Variants in UBE4B observed in about 807,000 individuals in gnomAD.
UBE4B encodes ubiquitination factor E4B.
A neutral mutation model predicts 148.1 loss-of-function variants in UBE4B; 27 were observed. That is an observed-to-expected ratio of 0.18 (90% CI 0.13 to 0.25). UBE4B has a LOEUF of 0.25. UBE4B is among the 10% of genes least tolerant of loss of function. UBE4B has a pLI of 1.00. For synonymous variants in UBE4B, 596 were observed against 619.3 expected (o/e 0.96, Z 0.56); for missense variants, 1,170 against 1,662.4 (o/e 0.70, Z 5.15).
rs549936660 is a variant in UBE4B at position 10,161,396 on chromosome 1, A to G, written c.3198+110A>G. On this transcript the variant is annotated intron_variant, in intron 23 of 27. Coordinates refer to ENST00000343090, the MANE Select transcript of UBE4B (RefSeq NM_001105562.3). The surrounding 1 kb of genome is among the most constrained non-coding windows in gnomAD (Gnocchi z 4.1). ...TGGGTCTGATGATATGCGATCTGAC[A>G]TGCTGGGATTTTCCTTCCATGAAAT... 14 of 1,270,464 alleles carry G rather than the reference A, an allele frequency of 1.1e-5. No homozygotes were observed. The Admixed American group carries it at 2.0e-4, about 18-fold the overall frequency. 78.7% of individuals were successfully genotyped at this position (1,270,464 alleles called of 1,614,324 possible). A position where few individuals can be genotyped will look rare whatever the true frequency, so the allele number is the denominator to read the frequency against.
chr1:10,133,436 A>T (rs547955303), intron 15 of UBE4B, among the ~76,000 whole-genome samples: 121 of 152,176 alleles, frequency 8.0e-4, no homozygotes, highest in Non-Finnish European at 1.5e-3. Flanking sequence ...CACAGTGATC[A>T]CTCAACCAAT....
At chr1:10,175,487 T>TAA (rs1275828007) in intron 25 of UBE4B, among the ~76,000 whole-genome samples, 3 of 143,510 alleles carry the variant, frequency 2.1e-5, no homozygotes, top group Non-Finnish European at 3.0e-5. Flanking sequence ...CCATCTCTAC[T>TAA]AAAAATACAA....
chr1:10,133,697 G>A lies in UBE4B; in HGVS notation c.2025+1215G>A, dbSNP rs193243063. 1.2e-3 allele frequency among the ~76,000 whole-genome samples: 185 copies of A among 152,030 alleles called. 1 individual carries two copies. Among genetic ancestry groups the A allele is most frequent in the African/African-American group, 4.2e-3 (174 of 41,466 alleles). On this transcript the variant is annotated intron_variant, in intron 15 of 27. Coordinates refer to ENST00000343090, the MANE Select transcript of UBE4B (RefSeq NM_001105562.3). ...AGGCCGAGGTGGGAGGATCACTTGA[G>A]CCCAGGCATTTGAGACCAGCCCTGG... is the stretch of plus-strand genomic sequence containing the variant.
intron 1 of UBE4B, among the ~76,000 whole-genome samples, chr1:10,053,358 C>T (rs2101797680): frequency 6.6e-6 from 1 of 152,114 alleles, no homozygotes; most frequent in South Asian, 2.1e-4. Context: ...ACTGTGGTAG[C>T]CAGGGTAGTC....
chr1:10,150,727 G>A (rs1311833059), intron 20 of UBE4B, among the ~76,000 whole-genome samples: 1 of 151,696 alleles, frequency 6.6e-6, no homozygotes, highest in Non-Finnish European at 1.5e-5. Flanking sequence ...GGGCATGGTG[G>A]CAGGCACCTG....
intron 21 of UBE4B, among the ~76,000 whole-genome samples, chr1:10,152,619 G>A (rs1645995594): frequency 6.6e-6 from 1 of 151,852 alleles, no homozygotes; most frequent in Admixed American, 6.6e-5. Flanking sequence ...CCAACATGGA[G>A]AAACCCCGTC....
At chr1:10,126,982 A>C (rs1448446331) in intron 11 of UBE4B, 105 bp downstream of exon 11, 3 of 1,033,240 alleles carry the variant, frequency 2.9e-6, no homozygotes, top group Non-Finnish European at 2.9e-6. Flanking sequence ...CCTTGTTTTC[A>C]AATTTAAAAC....
intron 1 of UBE4B, among the ~76,000 whole-genome samples, chr1:10,065,842 ATGT>A (rs1050873039): frequency 6.6e-6 from 1 of 152,138 alleles, no homozygotes; most frequent in African/African-American, 2.4e-5. Flanking sequence ...ACTAATAATA[ATGT>A]TCATTATAAT....
At chr1:10,172,996 C>G (rs1004953813) in intron 25 of UBE4B, among the ~76,000 whole-genome samples, 1 of 152,122 alleles carries the variant, frequency 6.6e-6, no homozygotes, top group African/African-American at 2.4e-5. Flanking sequence ...TACCATAGAG[C>G]CTCGACGTGG....
intron 21 of UBE4B, among the ~76,000 whole-genome samples, 171 bp downstream of exon 21, chr1:10,151,732 G>A (rs1268733773): frequency 6.6e-6 from 1 of 152,026 alleles, no homozygotes; most frequent in Non-Finnish European, 1.5e-5. Flanking sequence ...CTTGCCCTGA[G>A]TAGTTAGGAA....
intron 7 of UBE4B, among the ~76,000 whole-genome samples, chr1:10,110,239 T>A (rs1051967630): frequency 3.3e-5 from 5 of 152,224 alleles, no homozygotes; most frequent in Admixed American, 2.6e-4. Context: ...CATACATTTA[T>A]ATGTTAAGTA....
At chr1:10,037,511 A>T (rs1643585447) in intron 1 of UBE4B, among the ~76,000 whole-genome samples, 1 of 152,122 alleles carries the variant, frequency 6.6e-6, no homozygotes, top group Admixed American at 6.6e-5. Flanking sequence ...TAATTCTATA[A>T]TCTACTCATG....
Position 10,072,079 on chromosome 1 carries a change from ACCACCCCACTCACCT to A in UBE4B, c.78_92del (p.Thr27_Ser31del), listed in dbSNP as rs1644495648. ...TGCTGGTGGACAGACCTCTCAGCCA[ACCACCCCACTCACCT>A]CTCCCCAGAGGGAGAACCCTCCGGG... On this transcript the variant is annotated inframe_deletion, in exon 2 of 28. Coordinates refer to ENST00000343090, the MANE Select transcript of UBE4B (RefSeq NM_001105562.3). 1 of 1,612,236 alleles carries A rather than the reference ACCACCCCACTCACCT, an allele frequency of 6.2e-7. No homozygotes were observed. Among genetic ancestry groups the A allele is most frequent in the Non-Finnish European group, 8.5e-7 (1 of 1,179,362 alleles).
intron 3 of UBE4B, chr1:10,100,886 A>G (rs1172230851): frequency 1.8e-5 from 9 of 509,092 alleles, no homozygotes. Flanking sequence ...AGCCCAAGAA[A>G]ATGACAACTT....
intron 1 of UBE4B, among the ~76,000 whole-genome samples, chr1:10,061,912 CTTT>C (rs767477329): frequency 1.4e-5 from 2 of 138,248 alleles, no homozygotes; most frequent in Non-Finnish European, 3.2e-5. Context: ...CTTCTTTTTT[CTTT>C]TTTTTTTTTT....
At chr1:10,104,083 A>C (rs987536116) in intron 5 of UBE4B, among the ~76,000 whole-genome samples, 23 of 152,096 alleles carry the variant, frequency 1.5e-4, no homozygotes, top group Non-Finnish European at 3.4e-4. Context: ...TGAAGTATAG[A>C]TATAGTGGGT....
chr1:10,130,878 T>G, intron 14 of UBE4B, 65 bp downstream of exon 14: 1 of 1,419,698 alleles, frequency 7.0e-7, no homozygotes, highest in Non-Finnish European at 9.9e-7. Flanking sequence ...AGAGCTTTTA[T>G]TTTGTAGACT....
At chr1:10,035,933 CG>C (rs1232206556) in intron 1 of UBE4B, among the ~76,000 whole-genome samples, 1 of 149,976 alleles carries the variant, frequency 6.7e-6, no homozygotes, top group East Asian at 2.0e-4. Flanking sequence ...TTAGTAGAGA[CG>C]GGGTTTCACC....
chr1:10,083,656 A>G (rs1315188881), intron 2 of UBE4B, among the ~76,000 whole-genome samples: 4 of 152,154 alleles, frequency 2.6e-5, no homozygotes, highest in African/African-American at 7.2e-5. Flanking sequence ...GCTCAGACAG[A>G]AGCCCCAAGG....
Sources: allele counts gnomAD v4.1 joint callset (sites outside exome capture counted in the v4.1 genomes callset), GRCh38; gene constraint gnomAD v4.1.1; non-coding constraint Gnocchi (gnomAD v3.1); transcripts MANE v1.5; gene names NCBI Gene and HGNC (gene_info 2026-07-23, HGNC 2026-07-21).